PRRC2B: variants seen among roughly 807,000 people sequenced by gnomAD.
PRRC2B encodes protein PRRC2B.
PRRC2B carries 68 observed loss-of-function variants against 242.3 expected under a neutral mutation model. That is an observed-to-expected ratio of 0.28 (90% CI 0.23 to 0.34). The LOEUF is 0.34. PRRC2B is among the 10% of genes least tolerant of loss of function. The probability of loss-of-function intolerance (pLI) is 1.00; values close to 1 mark genes in which losing one functional copy is unlikely to be tolerated. For missense variants in PRRC2B, 2,835 were observed against 2,954.8 expected (o/e 0.96, Z 0.94); for synonymous variants, 1,228 against 1,173.6 (o/e 1.05, Z -0.95).
At chr9:131,438,768 G>A (rs1351140665) in intron 4 of PRRC2B, among the ~76,000 whole-genome samples, 1 of 152,190 alleles carries the variant, frequency 6.6e-6, no homozygotes, top group African/African-American at 2.4e-5. Flanking sequence ...CTCCTTGTCT[G>A]TAGAGTGGGC....
intron 10 of PRRC2B, among the ~76,000 whole-genome samples, chr9:131,456,968 T>C (rs1341374751): frequency 2.0e-5 from 3 of 152,248 alleles, no homozygotes; most frequent in Non-Finnish European, 4.4e-5. Context: ...GTTTAGATGT[T>C]AATGCTTTGC....
chr9:131,385,047 G>A (rs375259561), intron 1 of PRRC2B, among the ~76,000 whole-genome samples: 4 of 151,942 alleles, frequency 2.6e-5, no homozygotes, highest in Non-Finnish European at 5.9e-5. Context: ...CACTCTTGTC[G>A]CCCAGGCTGG....
intron 1 of PRRC2B, among the ~76,000 whole-genome samples, chr9:131,406,150 C>G (rs945536594): frequency 2.6e-5 from 4 of 152,184 alleles, no homozygotes; most frequent in African/African-American, 9.6e-5. Context: ...TTGTTTGTTA[C>G]CTAGGTGTTG....
At chr9:131,386,602 C>T (rs1836828785) in intron 1 of PRRC2B, among the ~76,000 whole-genome samples, 3 of 150,080 alleles carry the variant, frequency 2.0e-5, no homozygotes, top group African/African-American at 7.3e-5. Context: ...TATGTCCTCT[C>T]TTGTCAGATG....
intron 2 of PRRC2B, among the ~76,000 whole-genome samples, chr9:131,432,230 G>A (rs574702867): frequency 6.6e-6 from 1 of 152,276 alleles, no homozygotes; most frequent in East Asian, 1.9e-4. Context: ...TTGGATCTAG[G>A]CAGAGGCTGT....
At position 131,498,952 on chromosome 9, in the gene PRRC2B, G is replaced by A. The variant is rs1279081954; in HGVS notation, c.*3078G>A. Reference sequence around the variant, plus strand: ...TGCATTTGGTTTGGTTTTCTTAACTGTTGGCTTCTCCCCACAGCGTTTTTT... The same window carrying A: ...TGCATTTGGTTTGGTTTTCTTAACTATTGGCTTCTCCCCACAGCGTTTTTT... On this transcript the variant is annotated 3_prime_UTR_variant, in exon 32 of 32. Coordinates refer to ENST00000683519, the MANE Select transcript of PRRC2B (RefSeq NM_013318.4). 1 of 152,136 alleles carries A rather than the reference G, an allele frequency of 6.6e-6. No homozygotes were observed. Among genetic ancestry groups the A allele is most frequent in the Non-Finnish European group, 1.5e-5 (1 of 68,022 alleles). The allele number at this position is 152,136 out of a possible 1,614,324, so 9.4% of individuals were successfully genotyped here. A position where few individuals can be genotyped will look rare whatever the true frequency, so the allele number is the denominator to read the frequency against.
intron 1 of PRRC2B, among the ~76,000 whole-genome samples, chr9:131,412,129 A>C (rs902583576): frequency 1.3e-5 from 2 of 152,234 alleles, no homozygotes; most frequent in Admixed American, 1.3e-4. Context: ...AAAGTCTAAT[A>C]TAGTCACTTT....
chr9:131,405,794 G>C (rs547713402), intron 1 of PRRC2B, among the ~76,000 whole-genome samples: 4 of 152,228 alleles, frequency 2.6e-5, no homozygotes, highest in African/African-American at 9.6e-5. Context: ...CCTCTTCCTG[G>C]TGGAGAGTAG....
rs1405507724 is a variant in PRRC2B at position 131,475,782 on chromosome 9, C to T, written c.3653C>T (p.Thr1218Ile). ...AGCAATTGCGGGTATGGACGGAGAA[C>T]CTTCGTCTCCAAAGAGTCACCCCAC... is the stretch of plus-strand genomic sequence containing the variant. ...RLSNCGYGRR[T>I]FVSKESPHWQ... is the part of the protein sequence containing the mutation. Residue 1218 changes from threonine to isoleucine, a missense_variant, in exon 16 of 32, where the codon ACC (threonine) becomes ATC (isoleucine). By Grantham distance (89) the Thr-to-Ile change is moderately conservative. Coordinates refer to ENST00000683519, the MANE Select transcript of PRRC2B (RefSeq NM_013318.4). The T allele has an allele frequency of 2.5e-6, 4 of 1,613,294 alleles. No homozygotes were observed. Among genetic ancestry groups the T allele is most frequent in the African/African-American group, 1.3e-5 (1 of 74,926 alleles).
At chr9:131,490,439 G>A (rs769083524) in intron 28 of PRRC2B, 2 of 518,860 alleles carry the variant, frequency 3.9e-6, no homozygotes, top group Non-Finnish European at 7.7e-6. Context: ...CACCATTTTG[G>A]TGCTCCAAGG....
At position 131,474,765 on chromosome 9, in the gene PRRC2B, C is replaced by T; in HGVS notation, c.2636C>T (p.Thr879Ile). The stretch of plus-strand genomic sequence containing the variant: ...TGGGATGTTAGCCACCAGCCAGAGA[C>T]CGCTGACACAGCCCATGGTGTTGAG... Reference protein sequence around the residue: ...GSWDVSHQPETADTAHGVERE... With the variant: ...GSWDVSHQPEIADTAHGVERE... The change falls in exon 16 of 32, where the codon ACC becomes ATC. Residue 879 changes from threonine to isoleucine, a missense_variant. By Grantham distance (89) the Thr-to-Ile change is moderately conservative (BLOSUM62 -1). This residue lies in a region of PRRC2B where 1,536 missense variants were observed against 1,483.1 expected (regional missense o/e 1.04). Coordinates refer to ENST00000683519, the MANE Select transcript of PRRC2B (RefSeq NM_013318.4). The T allele has an allele frequency of 6.2e-7, 1 of 1,612,682 alleles. No individual in the cohort carries two copies. The highest frequency in any genetic ancestry group is 8.5e-7 in the Non-Finnish European group (1 of 1,179,652).
intron 25 of PRRC2B, among the ~76,000 whole-genome samples, 153 bp downstream of exon 25, chr9:131,485,293 G>A (rs776584588): frequency 4.6e-5 from 7 of 152,234 alleles, no homozygotes; most frequent in Admixed American, 3.3e-4. Context: ...TAGCTCCCAT[G>A]TGCTGCAGGT....
In PRRC2B at chr9:131,500,132, T is replaced by C. The variant is rs1294451769; in HGVS notation, c.*4258T>C. On this transcript the variant is annotated 3_prime_UTR_variant, in exon 32 of 32. Coordinates refer to ENST00000683519, the MANE Select transcript of PRRC2B (RefSeq NM_013318.4). ...ATTGTTTCTCCTTTCAAATATGTGA[T>C]TGTACTAGCTCTTTCCATATGAAAG... 3.3e-5 allele frequency: 5 copies of C among 152,240 alleles called. No individual in the cohort carries two copies. The highest frequency in any genetic ancestry group is 3.3e-4 in the Admixed American group (5 of 15,286). The allele number at this position is 152,240 out of a possible 1,614,324, so 9.4% of individuals were successfully genotyped here.
intron 10 of PRRC2B, among the ~76,000 whole-genome samples, chr9:131,455,452 G>A (rs935289911): frequency 6.6e-6 from 1 of 151,208 alleles, no homozygotes; most frequent in Non-Finnish European, 1.5e-5. Flanking sequence ...TGTGGCTGTC[G>A]TGCCCAAAAA....
chr9:131,438,116 T>C (rs1287745647), intron 4 of PRRC2B, among the ~76,000 whole-genome samples: 2 of 152,218 alleles, frequency 1.3e-5, no homozygotes, highest in African/African-American at 2.4e-5. Flanking sequence ...TGTGCGAGTT[T>C]TAGAACATCT....
chr9:131,406,287 G>A (rs569575695), intron 1 of PRRC2B, among the ~76,000 whole-genome samples: 1 of 152,130 alleles, frequency 6.6e-6, no homozygotes, highest in Non-Finnish European at 1.5e-5. Context: ...GGTGCATCAG[G>A]GCTCTTCTGT....
rs374951504 is a variant in PRRC2B, at chr9:131,463,628, C to CTTTT, written c.1405-1120_1405-1117dup. Among the ~76,000 whole-genome samples, 52 of 125,770 alleles carry CTTTT rather than the reference C, an allele frequency of 4.1e-4. 1 individual carries two copies. Among genetic ancestry groups the CTTTT allele is most frequent in the African/African-American group, 1.3e-3 (42 of 33,352 alleles). The allele number at this position is 125,770 out of a possible 152,430, so 82.5% of individuals were successfully genotyped here. A position where few individuals can be genotyped will look rare whatever the true frequency, so the allele number is the denominator to read the frequency against. ...CCAAAAGAGATTTTTTTTAGGCATG[C>CTTTT]TTTTTTTTTTTTTTTTTTCTTAATG... On this transcript the variant is annotated intron_variant, in intron 11 of 31. Transcript: ENST00000683519.
At position 131,499,637 on chromosome 9, in the gene PRRC2B, T is replaced by C. The variant is rs917136568; in HGVS notation, c.*3763T>C. The stretch of plus-strand genomic sequence containing the variant: ...GGGCCACCAATGTGTAGTTGGCTGG[T>C]GGTCTTCGGGCATGTGAGACCTGCT... On this transcript the variant is annotated 3_prime_UTR_variant, in exon 32 of 32. Coordinates refer to ENST00000683519, the MANE Select transcript of PRRC2B (RefSeq NM_013318.4). 3 of 152,088 alleles carry C rather than the reference T, an allele frequency of 2.0e-5. No individual in the cohort carries two copies. In the East Asian group the frequency reaches 5.8e-4, roughly 30 times the overall value. 9.4% of individuals were successfully genotyped at this position (152,088 alleles called of 1,614,324 possible). A position where few individuals can be genotyped will look rare whatever the true frequency, so the allele number is the denominator to read the frequency against.
intron 1 of PRRC2B, among the ~76,000 whole-genome samples, chr9:131,374,049 A>T (rs963297740): frequency 7.5e-6 from 1 of 133,994 alleles, no homozygotes; most frequent in Admixed American, 8.4e-5. Flanking sequence ...ACAGAGCGAG[A>T]CTCCGTCTCA....
Sources: gnomAD v4.1 joint callset for allele counts (sites outside exome capture counted in the v4.1 genomes callset) on GRCh38, gnomAD v4.1.1 for gene constraint, gnomAD v4.1.1 regional missense constraint, MANE v1.5 for transcripts, NCBI Gene and HGNC (gene_info 2026-07-23, HGNC 2026-07-21) for gene names.